The following EPOR variants were observed in gnomAD, a reference collection of about 807,000 sequenced individuals.
The protein encoded by EPOR is erythropoietin receptor.
A neutral mutation model predicts 34.3 loss-of-function variants in EPOR; 20 were observed. The observed-to-expected ratio is 0.58, with a 90% CI of 0.41 to 0.85. EPOR has a LOEUF of 0.85. Among genes scored for constraint, EPOR ranks in the 40% least tolerant of loss-of-function variants. The pLI is 0.00. For synonymous variants in EPOR, 312 were observed against 299.0 expected, an observed-to-expected ratio of 1.04 and a Z score of -0.45; for missense variants, 601 against 672.7, an observed-to-expected ratio of 0.89 and a Z score of 1.18.
chr19:11,378,516 TC>T lies in EPOR; in HGVS notation c.994del (p.Glu332LysfsTer63). On this transcript the variant is annotated frameshift_variant, in exon 8 of 8. Coordinates refer to ENST00000222139, the MANE Select transcript of EPOR (RefSeq NM_000121.4). LOFTEE classifies it low-confidence loss of function (END_TRUNC). This position sits in a 1 kb window ranked among gnomAD's most constrained non-coding sequence, Gnocchi z 5.3. Reference protein sequence around the residue: ...PFTEDPPASLEVLSERCWGTM... With the variant: ...PFTEDPPASLXVLSERCWGTM... ...CCCCCAGCAGCGCTCTGAGAGGACT[TC>T]CAGGGAAGCAGGTGGGTCCTCCGTG... The T allele has an allele frequency of 6.2e-7, 1 of 1,614,164 alleles. No individual in the cohort carries two copies. Among genetic ancestry groups the T allele is most frequent in the Non-Finnish European group, 8.5e-7 (1 of 1,180,006 alleles).
In EPOR at chr19:11,380,903, C is replaced by G; in HGVS notation, c.808G>C (p.Ala270Pro). The part of the protein sequence containing the change: ...VVILVLLTVL[A>P]LLSHRRALKQ... ...GCTCACCGGCGGTGGGAGAGCAGCGCGAGCACGGTCAGCAGCACCAGGATG... is the reference window on the plus strand; with the variant it reads ...GCTCACCGGCGGTGGGAGAGCAGCGGGAGCACGGTCAGCAGCACCAGGATG... Residue 270 changes from alanine to proline, a missense_variant, in exon 6 of 8, where the codon GCG (alanine) becomes CCG (proline). Coordinates refer to ENST00000222139, the MANE Select transcript of EPOR (RefSeq NM_000121.4). The G allele has an allele frequency of 6.4e-7, 1 of 1,551,660 alleles. No homozygotes were observed.
intron 6 of EPOR, among the ~76,000 whole-genome samples, chr19:11,379,678 C>T (rs1968330226): frequency 6.6e-6 from 1 of 151,950 alleles, no homozygotes; most frequent in South Asian, 2.1e-4. Context: ...CACCCCCTTA[C>T]ATACCACTCT....
Position 11,381,194 on chromosome 19 carries a change from C to T in EPOR, c.601G>A (p.Gly201Ser), listed in dbSNP as rs1327252032. 1.3e-6 allele frequency: 2 copies of T among 1,549,634 alleles called. No homozygotes were observed. The highest frequency in any genetic ancestry group is 2.4e-5 in the East Asian group (1 of 40,980). The change falls in exon 5 of 8, where the codon GGC becomes AGC. Residue 201 changes from glycine (G) to serine (S), a missense_variant. Gly to Ser is a moderately conservative substitution (Grantham distance 56, BLOSUM62 0). Transcript: ENST00000222139. The surrounding 1 kb of genome is among the most constrained non-coding windows in gnomAD (Gnocchi z 5.3). ...GSVQRVEILE[G>S]RTECVLSNLR... is the part of the protein sequence containing the mutation. ...TTGCTCAGCACACACTCGGTGCGGCCCTCCAGGATCTCCACCTGGGGGCGG... is the reference window on the plus strand; with the variant it reads ...TTGCTCAGCACACACTCGGTGCGGCTCTCCAGGATCTCCACCTGGGGGCGG...
Position 11,383,933 on chromosome 19 carries a change from T to G in EPOR, c.115+160A>C. Among the ~76,000 whole-genome samples the G allele has an allele frequency of 8.9e-6, 1 of 111,956 alleles. No individual in the cohort carries two copies. The highest frequency in any genetic ancestry group is 9.4e-5 in the Admixed American group (1 of 10,674). The allele number at this position is 111,956 out of a possible 152,430, so 73.4% of individuals were successfully genotyped here. ...CATACCCCACCCCGCCCCCCACCCA[T>G]CCAGGACCCAGTCTAAGGGTTCAGA... On this transcript the variant is annotated intron_variant, in intron 1 of 7. Coordinates refer to ENST00000222139, the MANE Select transcript of EPOR (RefSeq NM_000121.4). The surrounding 1 kb of genome is among the most constrained non-coding windows in gnomAD (Gnocchi z 4.9).
In EPOR at chr19:11,381,011, C is replaced by G. The variant is rs368098451; in HGVS notation, c.740-40G>C. On this transcript the variant is annotated intron_variant, in intron 5 of 7. Transcript: ENST00000222139. This position sits in a 1 kb window ranked among gnomAD's most constrained non-coding sequence, Gnocchi z 5.3. ...GGAGGTCAGGGCGGTGGGCTTGCCC[C>G]GTGATTCGCCCTGGCTCCTCCTACA... 2.7e-4 allele frequency: 430 copies of G among 1,566,434 alleles called. 1 individual carries two copies. In the African/African-American group the frequency reaches 5.2e-3, roughly 19 times the overall value.
rs546510851 is a variant in EPOR, at chr19:11,380,395, G to A, written c.827+489C>T. 2.6e-5 allele frequency among the ~76,000 whole-genome samples: 4 copies of A among 152,328 alleles called. No homozygotes were observed. In the East Asian group the frequency reaches 7.7e-4, roughly 29 times the overall value. On this transcript the variant is annotated intron_variant, in intron 6 of 7. Coordinates refer to ENST00000222139, the MANE Select transcript of EPOR (RefSeq NM_000121.4). ...ACAGGGCCATGAAAGACGACTAGAA[G>A]ATTGCTTAGCAGACAAGGCAGGAAG...
chr19:11,383,982 G>C lies in EPOR; in HGVS notation c.115+111C>G, dbSNP rs904571244. 4 of 769,368 alleles carry C rather than the reference G, an allele frequency of 5.2e-6. No homozygotes were observed. The highest frequency in any genetic ancestry group is 1.8e-5 in the African/African-American group (1 of 56,364). 47.7% of individuals were successfully genotyped at this position (769,368 alleles called of 1,614,324 possible). ...GATGCCAGCTTGGCCCCCAGGACCCGGTCAGGAAGTCCAGAAACAGGCATG... is the reference window on the plus strand; with the variant it reads ...GATGCCAGCTTGGCCCCCAGGACCCCGTCAGGAAGTCCAGAAACAGGCATG... On this transcript the variant is annotated intron_variant, in intron 1 of 7. Transcript: ENST00000222139. This position sits in a 1 kb window ranked among gnomAD's most constrained non-coding sequence, Gnocchi z 4.9.
Position 11,377,366 on chromosome 19 carries a change from A to T in EPOR, c.*618T>A, listed in dbSNP as rs1047237655. On this transcript the variant is annotated 3_prime_UTR_variant, in exon 8 of 8. Transcript: ENST00000222139. ...CCAGCCAGTGAGGTGTGAGAAGAAG[A>T]GAGGAAGCCCATTTCCAGGCCAGAT... 7.9e-5 allele frequency: 36 copies of T among 453,922 alleles called. No individual in the cohort carries two copies. Among genetic ancestry groups the T allele is most frequent in the Non-Finnish European group, 1.5e-4 (35 of 226,790 alleles). 28.1% of individuals were successfully genotyped at this position (453,922 alleles called of 1,614,324 possible). A position where few individuals can be genotyped will look rare whatever the true frequency, so the allele number is the denominator to read the frequency against.
intron 6 of EPOR, among the ~76,000 whole-genome samples, chr19:11,379,684 A>G (rs962703920): frequency 7.1e-6 from 1 of 140,290 alleles, no homozygotes; most frequent in African/African-American, 2.7e-5. Flanking sequence ...CTTACATACC[A>G]CTCTAGCCAT....
Position 11,383,410 on chromosome 19 carries a change from G to C in EPOR, c.116-178C>G. ...AGAGGTGGTGCCCCCCTAATTCCCA[G>C]GGGCAAGTTTCTCGCCTTACTGTCC... On this transcript the variant is annotated intron_variant, in intron 1 of 7. Coordinates refer to ENST00000222139, the MANE Select transcript of EPOR (RefSeq NM_000121.4). The surrounding 1 kb of genome is among the most constrained non-coding windows in gnomAD (Gnocchi z 4.9). The C allele has an allele frequency of 4.9e-6, 3 of 610,946 alleles. No homozygotes were observed. The highest frequency in any genetic ancestry group is 8.3e-6 in the Non-Finnish European group (3 of 361,178). The allele number at this position is 610,946 out of a possible 1,614,324, so 37.8% of individuals were successfully genotyped here. A position where few individuals can be genotyped will look rare whatever the true frequency, so the allele number is the denominator to read the frequency against.
chr19:11,381,633 G>A lies in EPOR; in HGVS notation c.585+59C>T, dbSNP rs1968360173. ...GCGGCACCGGGCGCGACCTCGAGAG[G>A]CGTGGCTGGGCCGTAGTCAGTGGAG... On this transcript the variant is annotated intron_variant, in intron 4 of 7. Coordinates refer to ENST00000222139, the MANE Select transcript of EPOR (RefSeq NM_000121.4). The surrounding 1 kb of genome is among the most constrained non-coding windows in gnomAD (Gnocchi z 5.3). 6.5e-7 allele frequency: 1 copy of A among 1,537,874 alleles called. No homozygotes were observed. The highest frequency in any genetic ancestry group is 1.2e-5 in the South Asian group (1 of 84,594).
Position 11,383,396 on chromosome 19 carries a change from C to T in EPOR, c.116-164G>A. 1 of 655,444 alleles carries T rather than the reference C, an allele frequency of 1.5e-6. No individual in the cohort carries two copies. The highest frequency in any genetic ancestry group is 2.5e-6 in the Non-Finnish European group (1 of 398,356). 40.6% of individuals were successfully genotyped at this position (655,444 alleles called of 1,614,324 possible). ...TTGGAGGGGTCCGCAGAGGTGGTGC[C>T]CCCCTAATTCCCAGGGGCAAGTTTC... is the stretch of plus-strand genomic sequence containing the variant. On this transcript the variant is annotated intron_variant, in intron 1 of 7. Coordinates refer to ENST00000222139, the MANE Select transcript of EPOR (RefSeq NM_000121.4). This position sits in a 1 kb window ranked among gnomAD's most constrained non-coding sequence, Gnocchi z 4.9.
At position 11,382,001 on chromosome 19, in the gene EPOR, G is replaced by C. The variant is rs371029194; in HGVS notation, c.356C>G (p.Pro119Arg). The C allele has an allele frequency of 1.9e-6, 3 of 1,614,096 alleles. No homozygotes were observed. The highest frequency in any genetic ancestry group is 2.5e-6 in the Non-Finnish European group (3 of 1,180,042). The stretch of plus-strand genomic sequence containing the variant: ...GGCTGCTGTGACGCGCAACTCTAGG[G>C]GCACGAAGCTCGACGTGTCGGCTGT... ...LPTADTSSFV[P>R]LELRVTAASG... The change falls in exon 3 of 8, where the codon CCC becomes CGC. Residue 119 changes from proline (P) to arginine (R), a missense_variant. Transcript: ENST00000222139.
intron 2 of EPOR, 40 bp from the exon 3 acceptor site, chr19:11,382,145 C>A: frequency 1.3e-6 from 2 of 1,587,092 alleles, no homozygotes; most frequent in Non-Finnish European, 1.7e-6. Context: ...GAGGGGGGAC[C>A]GGGGAGTTGG....
chr19:11,378,374 G>C lies in EPOR; in HGVS notation c.1137C>G (p.Asn379Lys). ...GCCCTGGGAGGTCCTCACTGGGCGG[G>C]TTCCGGGGCAGCAACCATTTGTCCA... Reference protein sequence around the residue: ...LVLDKWLLPRNPPSEDLPGPG... With the variant: ...LVLDKWLLPRKPPSEDLPGPG... Residue 379 changes from asparagine to lysine, a missense_variant, in exon 8 of 8, where the codon AAC becomes AAG. Physicochemically the swap from Asn to Lys is moderately conservative, Grantham distance 94. Coordinates refer to ENST00000222139, the MANE Select transcript of EPOR (RefSeq NM_000121.4). The surrounding 1 kb of genome is among the most constrained non-coding windows in gnomAD (Gnocchi z 5.3). 1 of 1,613,424 alleles carries C rather than the reference G, an allele frequency of 6.2e-7. No homozygotes were observed. The highest frequency in any genetic ancestry group is 1.1e-5 in the South Asian group (1 of 91,082).
chr19:11,378,827 T>G lies in EPOR; in HGVS notation c.828-49A>C. The G allele has an allele frequency of 6.4e-7, 1 of 1,563,566 alleles. No individual in the cohort carries two copies. ...TACATAGATATGACTCATTGAATAC[T>G]CACCAATTCCCCCTCCACTCCCAGT... is the stretch of plus-strand genomic sequence containing the variant. On this transcript the variant is annotated intron_variant, in intron 6 of 7. Transcript: ENST00000222139. The surrounding 1 kb of genome is among the most constrained non-coding windows in gnomAD (Gnocchi z 5.3).
At position 11,378,097 on chromosome 19, in the gene EPOR, C is replaced by G. The variant is rs1299120493; in HGVS notation, c.1414G>C (p.Asp472His). 14 of 1,614,052 alleles carry G rather than the reference C, an allele frequency of 8.7e-6. No individual in the cohort carries two copies. Among genetic ancestry groups the G allele is most frequent in the Non-Finnish European group, 1.1e-5 (13 of 1,179,994 alleles). Residue 472 changes from aspartate to histidine, a missense_variant, in exon 8 of 8, where the codon GAC becomes CAC. Coordinates refer to ENST00000222139, the MANE Select transcript of EPOR (RefSeq NM_000121.4). This position sits in a 1 kb window ranked among gnomAD's most constrained non-coding sequence, Gnocchi z 5.3. ...AAGCCCCCTTGGGCTCCCTGGGAGT[C>G]CCCTGAGCTGTAGTCAGTTGAGATG... ...SGISTDYSSG[D>H]SQGAQGGLSD...
rs752004469 is a variant in EPOR, at chr19:11,377,246, C to G, written c.*738G>C. On this transcript the variant is annotated 3_prime_UTR_variant, in exon 8 of 8. Transcript: ENST00000222139. The stretch of plus-strand genomic sequence containing the variant: ...CTTTTATTATTATTAGTGGCAGAGA[C>G]TAGCTAGTGGCCCTTAAACAGCTTT... 12 of 453,984 alleles carry G rather than the reference C, an allele frequency of 2.6e-5. No individual in the cohort carries two copies. The highest frequency in any genetic ancestry group is 5.3e-5 in the Non-Finnish European group (12 of 226,794). The allele number at this position is 453,984 out of a possible 1,614,324, so 28.1% of individuals were successfully genotyped here.
In EPOR at chr19:11,380,785, T is replaced by C. The variant is rs1010003943; in HGVS notation, c.827+99A>G. 182 of 967,758 alleles carry C rather than the reference T, an allele frequency of 1.9e-4. 1 individual carries two copies. In the East Asian group the frequency reaches 4.7e-3, roughly 25 times the overall value. The allele number at this position is 967,758 out of a possible 1,614,324, so 59.9% of individuals were successfully genotyped here. A position where few individuals can be genotyped will look rare whatever the true frequency, so the allele number is the denominator to read the frequency against. On this transcript the variant is annotated intron_variant, in intron 6 of 7. Coordinates refer to ENST00000222139, the MANE Select transcript of EPOR (RefSeq NM_000121.4). Reference sequence around the variant, plus strand: ...GATGTGAATCCTTACTGCGTGACCTTGGGCAAGTGCGTGTCTCTCTCTGAG... The same window carrying C: ...GATGTGAATCCTTACTGCGTGACCTCGGGCAAGTGCGTGTCTCTCTCTGAG...
Sources: gnomAD v4.1 joint callset for allele counts (sites outside exome capture counted in the v4.1 genomes callset) on GRCh38, gnomAD v4.1.1 for gene constraint, Gnocchi (gnomAD v3.1) non-coding constraint, MANE v1.5 for transcripts, NCBI Gene and HGNC (gene_info 2026-07-23, HGNC 2026-07-21) for gene names.